The following CD274 variants were observed in gnomAD, a reference collection of about 807,000 sequenced individuals.
The protein encoded by CD274 is CD274 molecule.
In CD274, 8 loss-of-function variants were observed where a neutral mutation model predicts 30.1. The observed-to-expected ratio is 0.27, with a 90% CI of 0.16 to 0.48. The LOEUF is 0.48. Among genes scored for constraint, CD274 ranks in the 20% least tolerant of loss-of-function variants. The pLI, the probability that CD274 is intolerant of heterozygous loss-of-function variation, is 0.99. For synonymous variants in CD274, 152 were observed against 124.6 expected (o/e 1.22, Z -1.46); for missense variants, 353 against 346.6 (o/e 1.02, Z -0.15).
intron 5 of CD274, 58 bp from the exon 6 acceptor site, chr9:5,466,712 A>G: frequency 2.4e-6 from 3 of 1,258,108 alleles, no homozygotes; most frequent in African/African-American, 3.0e-5. Flanking sequence ...AACTTGGGTC[A>G]CTGTATGGGA....
chr9:5,464,185 C>A (rs1481231976), intron 4 of CD274, among the ~76,000 whole-genome samples: 1 of 152,066 alleles, frequency 6.6e-6, no homozygotes, highest in Non-Finnish European at 1.5e-5. Context: ...AGGTATTGAA[C>A]TGGCTTTCAG....
intron 1 of CD274, among the ~76,000 whole-genome samples, chr9:5,451,310 T>A (rs573427760): frequency 6.6e-6 from 1 of 152,350 alleles, no homozygotes; most frequent in Admixed American, 6.5e-5. Flanking sequence ...TTTTCATTGC[T>A]GCATTCGATT....
At chr9:5,467,464 AG>A (rs1413788728) in intron 6 of CD274, among the ~76,000 whole-genome samples, 1 of 152,230 alleles carries the variant, frequency 6.6e-6, no homozygotes, top group Non-Finnish European at 1.5e-5. Context: ...AGTTATATTA[AG>A]GTTTCTAATT....
intron 1 of CD274, 68 bp from the exon 2 acceptor site, chr9:5,456,032 C>T: frequency 1.1e-6 from 1 of 894,390 alleles, no homozygotes; most frequent in Non-Finnish European, 1.9e-6. Flanking sequence ...CCACCAAGTC[C>T]CATATTGTCA....
At chr9:5,458,983 A>T (rs1819355501) in intron 3 of CD274, among the ~76,000 whole-genome samples, 1 of 152,232 alleles carries the variant, frequency 6.6e-6, no homozygotes, top group African/African-American at 2.4e-5. Context: ...AGCATAAAGT[A>T]TAAGTTTCTG....
rs761826556 is a variant in CD274 at position 5,457,139 on chromosome 9, T to C, written c.113T>C (p.Ile38Thr). The C allele has an allele frequency of 2.5e-6, 4 of 1,614,034 alleles. No homozygotes were observed. The highest frequency in any genetic ancestry group is 3.4e-6 in the Non-Finnish European group (4 of 1,179,920). The change falls in exon 3 of 7, where the codon ATT becomes ACT. Residue 38 changes from isoleucine to threonine, a missense_variant. Transcript: ENST00000381577. The stretch of plus-strand genomic sequence containing the variant: ...GTAGAGTATGGTAGCAATATGACAA[T>C]TGAATGCAAATTCCCAGTAGAAAAA... ...YVVEYGSNMT[I>T]ECKFPVEKQL...
chr9:5,462,631 C>T (rs1819424267), intron 3 of CD274, among the ~76,000 whole-genome samples: 1 of 152,130 alleles, frequency 6.6e-6, no homozygotes. Flanking sequence ...ATAGTCATTC[C>T]TATTAATCCA....
chr9:5,452,688 G>C (rs911866231), intron 1 of CD274, among the ~76,000 whole-genome samples: 1 of 152,142 alleles, frequency 6.6e-6, no homozygotes, highest in Non-Finnish European at 1.5e-5. Context: ...GTGGAAGAGA[G>C]GGTTTGATAA....
At chr9:5,461,239 C>G (rs1819398673) in intron 3 of CD274, among the ~76,000 whole-genome samples, 1 of 152,076 alleles carries the variant, frequency 6.6e-6, no homozygotes, top group Non-Finnish European at 1.5e-5. Context: ...TCTGCTGTTT[C>G]CTCTGGGTTG....
At chr9:5,461,867 A>G (rs1307039713) in intron 3 of CD274, among the ~76,000 whole-genome samples, 1 of 152,170 alleles carries the variant, frequency 6.6e-6, no homozygotes, top group Non-Finnish European at 1.5e-5. Flanking sequence ...AATAGCCAGC[A>G]TTTAAAAGCT....
Position 5,462,919 on chromosome 9 carries a change from C to T in CD274, c.480C>T (p.Tyr160=), listed in dbSNP as rs565831052. The T allele has an allele frequency of 2.7e-5, 44 of 1,614,012 alleles. No homozygotes were observed. Among genetic ancestry groups the T allele is most frequent in the South Asian group, 2.4e-4 (22 of 91,080 alleles). The change falls in exon 4 of 7, where the codon TAC becomes TAT. Residue 160 remains tyrosine (Y), a synonymous_variant. Transcript: ENST00000381577. ...EHELTCQAEG[Y]PKAEVIWTSS... is the part of the protein sequence containing the mutation. ...AACTGACATGTCAGGCTGAGGGCTA[C>T]CCCAAGGCCGAAGTCATCTGGACAA...
intron 4 of CD274, among the ~76,000 whole-genome samples, chr9:5,464,463 A>G (rs1478532204): frequency 6.6e-6 from 1 of 152,128 alleles, no homozygotes; most frequent in African/African-American, 2.4e-5. Context: ...GTAGTCAAAG[A>G]TGGATCATGG....
chr9:5,465,193 T>C (rs1819476420), intron 4 of CD274, among the ~76,000 whole-genome samples: 1 of 152,108 alleles, frequency 6.6e-6, no homozygotes. Context: ...AATATTAGCC[T>C]CACAAGAAAT....
intron 1 of CD274, among the ~76,000 whole-genome samples, chr9:5,453,007 T>C (rs1819234707): frequency 6.6e-6 from 1 of 151,702 alleles, no homozygotes; most frequent in South Asian, 2.1e-4. Context: ...TAAAATATTT[T>C]ATAAGTAATA....
chr9:5,463,178 C>A (rs1051840542), intron 4 of CD274, 57 bp downstream of exon 4: 2 of 1,307,484 alleles, frequency 1.5e-6, no homozygotes, highest in Non-Finnish European at 2.2e-6. Flanking sequence ...TAGCACCTAG[C>A]ATGATGTCTG....
Position 5,468,805 on chromosome 9 carries a change from C to G in CD274, c.*943C>G, listed in dbSNP as rs1046844111. On this transcript the variant is annotated 3_prime_UTR_variant, in exon 7 of 7. Transcript: ENST00000381577. ...ATAGCAGACCTCAGACTGCCACCCA[C>G]TGTCCTTTTATAATACAATTTACAG... The G allele has an allele frequency of 1.3e-5, 3 of 232,998 alleles. No homozygotes were observed. Among genetic ancestry groups the G allele is most frequent in the African/African-American group, 6.6e-5 (3 of 45,348 alleles). 14.4% of individuals were successfully genotyped at this position (232,998 alleles called of 1,614,324 possible).
intron 2 of CD274, among the ~76,000 whole-genome samples, chr9:5,456,457 T>C (rs1819303645): frequency 1.3e-5 from 2 of 152,250 alleles, no homozygotes; most frequent in Admixed American, 1.3e-4. Context: ...GGCCTGTATG[T>C]ATACATTTAT....
chr9:5,467,837 CA>C lies in CD274; in HGVS notation c.851-2del. ...AAATTAATATACTATTATCACTCTC[CA>C]GATACACATTTGGAGGAGACGTAAT... On this transcript the variant is annotated splice_acceptor_variant, in intron 6 of 6. Coordinates refer to ENST00000381577, the MANE Select transcript of CD274 (RefSeq NM_014143.4). LOFTEE classifies it high-confidence loss of function. The C allele has an allele frequency of 6.2e-7, 1 of 1,607,170 alleles. No homozygotes were observed. Among genetic ancestry groups the C allele is most frequent in the Non-Finnish European group, 8.5e-7 (1 of 1,173,716 alleles).
intron 1 of CD274, among the ~76,000 whole-genome samples, chr9:5,451,619 T>TAA (rs1333223491): frequency 6.6e-6 from 1 of 152,168 alleles, no homozygotes; most frequent in Non-Finnish European, 1.5e-5. Flanking sequence ...CCTTTCTCAG[T>TAA]AAAAGTAGGT....
Sources: gnomAD v4.1 joint callset for allele counts (sites outside exome capture counted in the v4.1 genomes callset) on GRCh38, gnomAD v4.1.1 for gene constraint, MANE v1.5 for transcripts, NCBI Gene and HGNC (gene_info 2026-07-23, HGNC 2026-07-21) for gene names.